EDA: variants seen among roughly 807,000 people sequenced by gnomAD.
The protein encoded by EDA is ectodysplasin-A.
In EDA, 2 loss-of-function variants were observed where a neutral mutation model predicts 23.6. That is an observed-to-expected ratio of 0.08 (90% CI 0.03 to 0.27). The LOEUF (loss-of-function observed/expected upper bound fraction) is 0.27. EDA is among the 10% of genes least tolerant of loss of function. The pLI is 1.00. For synonymous variants in EDA, 131 were observed against 132.0 expected, an observed-to-expected ratio of 0.99 and a Z score of 0.05; for missense variants, 229 against 324.2, an observed-to-expected ratio of 0.71 and a Z score of 2.26.
intron 1 of EDA, among the ~76,000 whole-genome samples, chrX:69,733,954 A>C (rs1407622150): frequency 1.8e-5 from 2 of 110,452 alleles, no homozygotes; most frequent in Non-Finnish European, 3.8e-5. Flanking sequence ...CGCTTCATAT[A>C]AAATGAGTTG....
intron 1 of EDA, among the ~76,000 whole-genome samples, chrX:69,855,328 T>G (rs2017222552): frequency 8.9e-6 from 1 of 111,974 alleles, no homozygotes; most frequent in African/African-American, 3.2e-5. Flanking sequence ...ATTTGTCAGT[T>G]TTTGCTTTTG....
intron 1 of EDA, among the ~76,000 whole-genome samples, chrX:69,803,573 C>A (rs2015745753): frequency 9.0e-6 from 1 of 111,205 alleles, no homozygotes; most frequent in Non-Finnish European, 1.9e-5. Context: ...GCAAAAACTG[C>A]AGTTACTTTT....
chrX:69,682,221 C>T (rs1305629680), intron 1 of EDA, among the ~76,000 whole-genome samples: 2 of 112,157 alleles, frequency 1.8e-5, no homozygotes, highest in Admixed American at 9.4e-5. Context: ...CTGCTCTCTT[C>T]AAAGCTGTCA....
intron 1 of EDA, among the ~76,000 whole-genome samples, chrX:69,878,273 C>T (rs1354043149): frequency 8.9e-6 from 1 of 112,501 alleles, no homozygotes; most frequent in Admixed American, 9.3e-5. Context: ...GTCACCCCCG[C>T]AGGGTTCCCA....
At chrX:69,852,727 G>A (rs2147579820) in intron 1 of EDA, among the ~76,000 whole-genome samples, 1 of 111,007 alleles carries the variant, frequency 9.0e-6, no homozygotes, top group South Asian at 3.8e-4. Context: ...ATGGAGCAAT[G>A]GAAATACATG....
intron 1 of EDA, among the ~76,000 whole-genome samples, chrX:69,668,853 C>T (rs1933780448): frequency 9.0e-6 from 1 of 111,073 alleles, no homozygotes; most frequent in Non-Finnish European, 1.9e-5. Context: ...AGGCTTGAGC[C>T]ACCACGCCCA....
intron 1 of EDA, among the ~76,000 whole-genome samples, chrX:69,895,076 T>A (rs1330443669): frequency 9.0e-6 from 1 of 111,112 alleles, no homozygotes; most frequent in African/African-American, 3.3e-5. Flanking sequence ...TATTTTGAAG[T>A]ATGTTCCTTC....
chrX:70,017,784 C>A (rs1479444053), intron 2 of EDA, among the ~76,000 whole-genome samples: 2 of 111,732 alleles, frequency 1.8e-5, no homozygotes, highest in Non-Finnish European at 3.8e-5. Flanking sequence ...TTATTGAGAA[C>A]CAGAACAAGA....
intron 5 of EDA, 124 bp downstream of exon 5, chrX:70,029,662 C>T (rs376022140): frequency 8.1e-6 from 6 of 740,904 alleles, no homozygotes; most frequent in Admixed American, 5.1e-5. Context: ...GAGATTCTGA[C>T]GGTTTTCACT....
chrX:69,751,801 G>A (rs1187811738), intron 1 of EDA, among the ~76,000 whole-genome samples: 1 of 110,278 alleles, frequency 9.1e-6, no homozygotes, highest in African/African-American at 3.3e-5. Context: ...GTGAATGGGA[G>A]TTCACTCATG....
intron 1 of EDA, among the ~76,000 whole-genome samples, chrX:69,768,275 A>C (rs2014528771): frequency 8.9e-6 from 1 of 111,971 alleles, no homozygotes; most frequent in African/African-American, 3.2e-5. Flanking sequence ...GACAAACCTA[A>C]GTACATTGAG....
chrX:69,865,404 A>G (rs1197605414), intron 1 of EDA, among the ~76,000 whole-genome samples: 2 of 110,692 alleles, frequency 1.8e-5, no homozygotes, highest in Non-Finnish European at 3.8e-5. Flanking sequence ...CCGAGTCCCA[A>G]AACTGAAGAA....
intron 1 of EDA, among the ~76,000 whole-genome samples, chrX:69,680,186 T>C (rs1454335802): frequency 1.0e-5 from 1 of 99,283 alleles, no homozygotes; most frequent in Non-Finnish European, 2.0e-5. Context: ...GTCTGAGAGA[T>C]AGTTTGTTAT....
chrX:69,616,881 GC>G, intron 1 of EDA, 177 bp downstream of exon 1: 2 of 627,387 alleles, frequency 3.2e-6, no homozygotes, highest in Non-Finnish European at 4.9e-6. Flanking sequence ...TCGGTCCCTG[GC>G]CCAGCTAATC....
At chrX:69,910,804 G>A (rs1020788022) in intron 1 of EDA, among the ~76,000 whole-genome samples, 5 of 111,215 alleles carry the variant, frequency 4.5e-5, no homozygotes, top group African/African-American at 1.6e-4. Flanking sequence ...TCTTTGTTGA[G>A]ATTTTCTGTC....
chrX:69,802,255 T>C (rs2015708799), intron 1 of EDA, among the ~76,000 whole-genome samples: 1 of 109,594 alleles, frequency 9.1e-6, no homozygotes, highest in Admixed American at 9.9e-5. Context: ...AAAACAAGTG[T>C]AGAAGAATAT....
chrX:69,735,483 C>T (rs1340972193), intron 1 of EDA, among the ~76,000 whole-genome samples: 1 of 111,793 alleles, frequency 8.9e-6, no homozygotes, highest in East Asian at 2.8e-4. Context: ...CCCCTCTAGT[C>T]TTTGTTCCTC....
chrX:70,014,009 T>G (rs1239744339), intron 2 of EDA, among the ~76,000 whole-genome samples: 1 of 111,658 alleles, frequency 9.0e-6, no homozygotes. Context: ...TTATCTGGGG[T>G]GGAGCTCCAA....
chrX:69,874,519 A>G (rs147168636), intron 1 of EDA, among the ~76,000 whole-genome samples: 6,705 of 111,369 alleles, frequency 0.06, 206 homozygotes, highest in Middle Eastern at 0.089. Flanking sequence ...TATCTATGAC[A>G]TACCCACAGC....
Sources: gnomAD v4.1 joint callset for allele counts (sites outside exome capture counted in the v4.1 genomes callset) on GRCh38, gnomAD v4.1.1 for gene constraint, MANE v1.5 for transcripts, NCBI Gene and HGNC (gene_info 2026-07-23, HGNC 2026-07-21) for gene names.